The following SOAT1 variants were observed in gnomAD, a reference collection of about 807,000 sequenced individuals.
SOAT1 encodes acyl-coenzyme A:cholesterol acyltransferase 1.
In SOAT1, 55 loss-of-function variants were observed where a neutral mutation model predicts 69.5. The ratio of observed to expected loss-of-function variants is 0.79; its 90% CI spans 0.64 to 0.99. SOAT1 has a LOEUF of 0.99. Among genes scored for constraint, SOAT1 ranks in the 50% least tolerant of loss-of-function variants. The pLI is 0.00. For missense variants in SOAT1, 580 were observed against 669.3 expected, an observed-to-expected ratio of 0.87 and a Z score of 1.47; for synonymous variants, 231 against 224.7, an observed-to-expected ratio of 1.03 and a Z score of -0.25.
intron 9 of SOAT1, among the ~76,000 whole-genome samples, chr1:179,343,150 A>G (rs1392888976): frequency 6.6e-6 from 1 of 152,008 alleles, no homozygotes; most frequent in Non-Finnish European, 1.5e-5. Context: ...AAAGTATTTC[A>G]TATGGTCATA....
intron 4 of SOAT1, among the ~76,000 whole-genome samples, chr1:179,336,192 G>C (rs189025195): frequency 1.0e-3 from 155 of 150,850 alleles, no homozygotes; most frequent in Non-Finnish European, 1.9e-3. Flanking sequence ...GTCAGGTGTG[G>C]TGGCTCATAC....
At chr1:179,323,364 C>A in intron 2 of SOAT1, 73 bp from the exon 3 acceptor site, 1 of 1,281,714 alleles carries the variant, frequency 7.8e-7, no homozygotes, top group Non-Finnish European at 1.1e-6. Flanking sequence ...TTGTTTTCAA[C>A]TTTATGATTT....
intron 9 of SOAT1, 34 bp downstream of exon 9, chr1:179,342,977 A>C: frequency 1.3e-6 from 2 of 1,543,090 alleles, no homozygotes; most frequent in Non-Finnish European, 1.8e-6. Context: ...TGTGGTAAAC[A>C]CCAAAAGTGT....
chr1:179,298,002 C>CAA lies in SOAT1; in HGVS notation c.-9+4078_-9+4079dup, dbSNP rs59670155. Among the ~76,000 whole-genome samples the CAA allele has an allele frequency of 3.1e-3, 443 of 142,990 alleles. 1 individual carries two copies. Among genetic ancestry groups the CAA allele is most frequent in the Middle Eastern group, 0.011 (3 of 278 alleles). 93.8% of individuals were successfully genotyped at this position (142,990 alleles called of 152,430 possible). A position where few individuals can be genotyped will look rare whatever the true frequency, so the allele number is the denominator to read the frequency against. On this transcript the variant is annotated intron_variant, in intron 1 of 15. Transcript: ENST00000367619. ...GACCAACAAGAGTGAAACTCTGTCT[C>CAA]AAAAAAAAAAAAAGATTGATGGTGT...
At chr1:179,349,514 A>G (rs1033599018) in intron 13 of SOAT1, among the ~76,000 whole-genome samples, 1 of 151,872 alleles carries the variant, frequency 6.6e-6, no homozygotes, top group African/African-American at 2.4e-5. Context: ...TTTAGTAGAG[A>G]TGGTGTTTCT....
intron 2 of SOAT1, among the ~76,000 whole-genome samples, chr1:179,310,819 T>C (rs572863855): frequency 1.3e-5 from 2 of 152,370 alleles, no homozygotes; most frequent in South Asian, 4.1e-4. Flanking sequence ...GCTAATTCTG[T>C]TCTTGCCACA....
At chr1:179,343,477 T>A in intron 9 of SOAT1, 113 bp from the exon 10 acceptor site, 1 of 780,002 alleles carries the variant, frequency 1.3e-6, no homozygotes, top group Non-Finnish European at 2.1e-6. Flanking sequence ...CCAAAGTGCT[T>A]GGATTACAGG....
At chr1:179,334,477 A>G (rs1666077306) in intron 3 of SOAT1, among the ~76,000 whole-genome samples, 2 of 152,106 alleles carry the variant, frequency 1.3e-5, no homozygotes, top group South Asian at 2.1e-4. Context: ...AAAGCTGTGT[A>G]TCATCATAGA....
intron 3 of SOAT1, among the ~76,000 whole-genome samples, chr1:179,332,169 C>A (rs1008572776): frequency 5.9e-5 from 9 of 152,256 alleles, no homozygotes; most frequent in Middle Eastern, 3.4e-3. Flanking sequence ...CCAAAGTAAT[C>A]TCTGCCTGGA....
chr1:179,294,270 A>G (rs1260630829), intron 1 of SOAT1: 1 of 152,220 alleles, frequency 6.6e-6, no homozygotes, highest in African/African-American at 2.4e-5. Flanking sequence ...AAATGCACTC[A>G]GGAAGTCAGC....
At chr1:179,324,401 T>C (rs1215286408) in intron 3 of SOAT1, among the ~76,000 whole-genome samples, 1 of 152,156 alleles carries the variant, frequency 6.6e-6, no homozygotes, top group East Asian at 1.9e-4. Flanking sequence ...TCACAGAAAA[T>C]TTATTAAAGA....
intron 3 of SOAT1, among the ~76,000 whole-genome samples, chr1:179,327,156 G>A (rs1401506772): frequency 6.6e-6 from 1 of 152,114 alleles, no homozygotes; most frequent in Non-Finnish European, 1.5e-5. Context: ...TAGCCTTATT[G>A]GTTGACATTT....
intron 3 of SOAT1, among the ~76,000 whole-genome samples, chr1:179,329,046 C>CAA (rs3046366): frequency 0.14 from 17,991 of 130,496 alleles, 1,636 homozygotes; most frequent in East Asian, 0.38. Context: ...ACTTTGTCTT[C>CAA]AAAAAAAAAA....
intron 1 of SOAT1, among the ~76,000 whole-genome samples, chr1:179,297,733 C>CAAA (rs376641077): frequency 1.3e-4 from 16 of 119,230 alleles, no homozygotes; most frequent in Middle Eastern, 4.5e-3. Flanking sequence ...GACTCCGTCT[C>CAAA]AAAAAAAAAA....
chr1:179,353,497 T>A, intron 15 of SOAT1, 88 bp from the exon 16 acceptor site: 1 of 1,110,030 alleles, frequency 9.0e-7, no homozygotes, highest in Non-Finnish European at 1.4e-6. Flanking sequence ...AGATGTACAA[T>A]GTATCATATT....
intron 11 of SOAT1, 137 bp downstream of exon 11, chr1:179,345,213 C>G (rs762620762): frequency 1.4e-5 from 11 of 761,548 alleles, no homozygotes; most frequent in Non-Finnish European, 1.9e-5. Context: ...ACCTCTTTTG[C>G]ATCTACTTTA....
At chr1:179,349,041 T>C in intron 13 of SOAT1, 99 bp downstream of exon 13, 1 of 716,224 alleles carries the variant, frequency 1.4e-6, no homozygotes, top group South Asian at 1.7e-5. Flanking sequence ...ATTTAATTGC[T>C]CATGAGGAAA....
At chr1:179,310,589 A>G (rs1665190046) in intron 2 of SOAT1, among the ~76,000 whole-genome samples, 2 of 152,168 alleles carry the variant, frequency 1.3e-5, no homozygotes, top group African/African-American at 4.8e-5. Flanking sequence ...GTTAAGATTG[A>G]AAAGTGATTG....
At chr1:179,319,527 C>T (rs1176584509) in intron 2 of SOAT1, among the ~76,000 whole-genome samples, 10 of 152,094 alleles carry the variant, frequency 6.6e-5, no homozygotes, top group African/African-American at 2.4e-4. Flanking sequence ...GCCTTGGCCT[C>T]CCAAAATGCT....
Sources: allele counts gnomAD v4.1 joint callset (sites outside exome capture counted in the v4.1 genomes callset), GRCh38; gene constraint gnomAD v4.1.1; transcripts MANE v1.5; gene names NCBI Gene and HGNC (gene_info 2026-07-23, HGNC 2026-07-21).